EFNB2: variants seen among roughly 807,000 people sequenced by gnomAD.
EFNB2 encodes the protein ephrin-B2.
A neutral mutation model predicts 32.1 loss-of-function variants in EFNB2; 5 were observed. The ratio of observed to expected loss-of-function variants is 0.16; its 90% CI spans 0.08 to 0.33. EFNB2 has a LOEUF of 0.33. EFNB2 is among the 10% of genes least tolerant of loss of function. The pLI, the probability that EFNB2 is intolerant of heterozygous loss-of-function variation, is 1.00. For missense variants in EFNB2, 263 were observed against 422.6 expected (o/e 0.62, Z 3.31); for synonymous variants, 168 against 166.5 (o/e 1.01, Z -0.07).
At chr13:106,511,191 A>G (rs1879131455) in intron 2 of EFNB2, among the ~76,000 whole-genome samples, 1 of 152,136 alleles carries the variant, frequency 6.6e-6, no homozygotes, top group Admixed American at 6.5e-5. Flanking sequence ...TTTTATAATA[A>G]TTACTCCTTA....
chr13:106,519,431 G>A (rs533301993), intron 1 of EFNB2: 13 of 152,258 alleles, frequency 8.5e-5, no homozygotes, highest in African/African-American at 2.6e-4. Flanking sequence ...AAATGTGTGG[G>A]GGGGGAGGAG....
chr13:106,534,852 G>A lies in EFNB2; in HGVS notation c.113C>T (p.Ser38Leu), dbSNP rs1244472164. The change falls in exon 1 of 5, where the codon TCG (serine) becomes TTG (leucine). Residue 38 changes from serine (S) to leucine (L), a missense_variant. Physicochemically the swap from Ser to Leu is moderately radical, Grantham distance 145 (BLOSUM62 -2). Around this residue, in one of 3 missense-constraint regions of EFNB2, gnomAD observed 46 missense variants for 56.9 expected, o/e 0.81. Coordinates refer to ENST00000646441, the MANE Select transcript of EFNB2 (RefSeq NM_004093.4). ...CGCGGACGCCACTTACTTGGAGTTC[G>A]AGGAATTCCAATAGATAGGCTCTAA... is the stretch of plus-strand genomic sequence containing the variant. ...IVLEPIYWNS[S>L]NSKFLPGQGL... 3 of 1,611,918 alleles carry A rather than the reference G, an allele frequency of 1.9e-6. No homozygotes were observed. The highest frequency in any genetic ancestry group is 2.5e-6 in the Non-Finnish European group (3 of 1,179,060).
intron 1 of EFNB2, among the ~76,000 whole-genome samples, chr13:106,526,895 A>G (rs1423091439): frequency 6.6e-6 from 1 of 152,212 alleles, no homozygotes; most frequent in East Asian, 1.9e-4. Flanking sequence ...TGAAGGTCGG[A>G]AATTCTTTGC....
chr13:106,531,477 CTG>C (rs1879870377), intron 1 of EFNB2, among the ~76,000 whole-genome samples: 2 of 152,308 alleles, frequency 1.3e-5, no homozygotes, highest in African/African-American at 4.8e-5. Context: ...CAAACGCAAA[CTG>C]TGGAGCATAG....
At chr13:106,528,041 A>G (rs1879757218) in intron 1 of EFNB2, among the ~76,000 whole-genome samples, 1 of 152,218 alleles carries the variant, frequency 6.6e-6, no homozygotes, top group African/African-American at 2.4e-5. Flanking sequence ...CTTTAGTTGA[A>G]TGGGCCATTA....
chr13:106,509,627 C>CTGTGTGTG lies in EFNB2; in HGVS notation c.406+2894_406+2901dup, dbSNP rs34068695. Among the ~76,000 whole-genome samples the CTGTGTGTG allele has an allele frequency of 7.7e-3, 1,096 of 142,662 alleles. 8 individuals are homozygous for CTGTGTGTG. The highest frequency in any genetic ancestry group is 0.016 in the South Asian group (68 of 4,180). 93.6% of individuals were successfully genotyped at this position (142,662 alleles called of 152,430 possible). ...TCAAAAAAGCCAGTACAGAGCTTGACTGTGTGTGTGTGTGTGTGTGTGTGT... is the reference window on the plus strand; with the variant it reads ...TCAAAAAAGCCAGTACAGAGCTTGACTGTGTGTGTGTGTGTGTGTGTGTGTGTGTGTGT... On this transcript the variant is annotated intron_variant, in intron 2 of 4. Transcript: ENST00000646441.
At chr13:106,532,234 A>C (rs544166308) in intron 1 of EFNB2, among the ~76,000 whole-genome samples, 2 of 152,268 alleles carry the variant, frequency 1.3e-5, no homozygotes, top group East Asian at 3.9e-4. Flanking sequence ...CGACAATGTG[A>C]TTAAAGTAGT....
intron 2 of EFNB2, among the ~76,000 whole-genome samples, chr13:106,500,396 T>A (rs1043515332): frequency 6.6e-6 from 1 of 152,184 alleles, no homozygotes; most frequent in African/African-American, 2.4e-5. Flanking sequence ...ATCACAGTTC[T>A]TATGGAAAGA....
In EFNB2 at chr13:106,492,949, A is replaced by G. The variant is rs927359074; in HGVS notation, c.*91T>C. ...CTCCCCCGGTGCTGTGCTTCAGTCA[A>G]TTCTCCAGCACGCGGGCTCTCAAAC... On this transcript the variant is annotated 3_prime_UTR_variant, in exon 5 of 5. Transcript: ENST00000646441. This position sits in a 1 kb window ranked among gnomAD's most constrained non-coding sequence, Gnocchi z 5.1. 71 of 1,488,912 alleles carry G rather than the reference A, an allele frequency of 4.8e-5. No homozygotes were observed. The highest frequency in any genetic ancestry group is 4.2e-4 in the South Asian group (33 of 78,266). 92.2% of individuals were successfully genotyped at this position (1,488,912 alleles called of 1,614,324 possible).
At chr13:106,494,663 C>T (rs3818379) in intron 4 of EFNB2, among the ~76,000 whole-genome samples, 40,726 of 152,074 alleles carry the variant, frequency 0.27, 5,785 homozygotes, top group East Asian at 0.43. Context: ...AGCTCATGAA[C>T]TCTACTCCTT....
At chr13:106,526,865 T>C (rs1315585974) in intron 1 of EFNB2, among the ~76,000 whole-genome samples, 3 of 152,174 alleles carry the variant, frequency 2.0e-5, no homozygotes, top group South Asian at 2.1e-4. Flanking sequence ...AAGAGATCAA[T>C]TGAGAAACAC....
In EFNB2 at chr13:106,501,839, G is replaced by A. The variant is rs1320832888; in HGVS notation, c.407-5999C>T. ...GATCTCCTGACCTCGTGATCCGCCCGCCTCGGCCTCCCAAAGTGCTAGGAT... is the reference window on the plus strand; with the variant it reads ...GATCTCCTGACCTCGTGATCCGCCCACCTCGGCCTCCCAAAGTGCTAGGAT... On this transcript the variant is annotated intron_variant, in intron 2 of 4. Coordinates refer to ENST00000646441, the MANE Select transcript of EFNB2 (RefSeq NM_004093.4). Among the ~76,000 whole-genome samples, 9 of 152,214 alleles carry A rather than the reference G, an allele frequency of 5.9e-5. No homozygotes were observed. The East Asian group carries it at 1.2e-3, about 20-fold the overall frequency.
intron 2 of EFNB2, among the ~76,000 whole-genome samples, chr13:106,511,417 G>T (rs1403125006): frequency 6.6e-6 from 1 of 152,164 alleles, no homozygotes; most frequent in Non-Finnish European, 1.5e-5. Context: ...GGAGTTCAAG[G>T]CTACAGTGAG....
At chr13:106,497,577 C>T (rs1878633554) in intron 2 of EFNB2, among the ~76,000 whole-genome samples, 2 of 151,816 alleles carry the variant, frequency 1.3e-5, no homozygotes, top group South Asian at 4.2e-4. Flanking sequence ...TTCTAGGGTA[C>T]ATGTGCACAA....
chr13:106,522,043 T>C (rs1879538611), intron 1 of EFNB2, among the ~76,000 whole-genome samples: 1 of 151,070 alleles, frequency 6.6e-6, no homozygotes, highest in Admixed American at 6.6e-5. Flanking sequence ...AGGTCTTTAT[T>C]TACCAAAAAA....
intron 1 of EFNB2, among the ~76,000 whole-genome samples, chr13:106,523,019 T>C (rs1388577293): frequency 6.6e-6 from 1 of 152,194 alleles, no homozygotes; most frequent in Non-Finnish European, 1.5e-5. Flanking sequence ...TAACACAGTT[T>C]ACAAGGCTGT....
chr13:106,499,791 A>G (rs1878711340), intron 2 of EFNB2, among the ~76,000 whole-genome samples: 1 of 152,202 alleles, frequency 6.6e-6, no homozygotes, highest in Non-Finnish European at 1.5e-5. Context: ...CTTAATAAAG[A>G]TACATGGGCA....
At chr13:106,519,665 C>A (rs746126428) in intron 1 of EFNB2, 2 of 152,086 alleles carry the variant, frequency 1.3e-5, no homozygotes, top group African/African-American at 4.8e-5. Context: ...GCTGACTGCA[C>A]GGAGACAACC....
Position 106,518,948 on chromosome 13 carries a change from T to C in EFNB2, c.123-6136A>G, listed in dbSNP as rs551064729. ...TGCTGCTGTAGTCTCTGAAAATACA[T>C]GCGAAATGTGTGACAATATACCTGG... On this transcript the variant is annotated intron_variant, in intron 1 of 4. Transcript: ENST00000646441. This position sits in a 1 kb window ranked among gnomAD's most constrained non-coding sequence, Gnocchi z 4.1. 12 of 152,184 alleles carry C rather than the reference T, an allele frequency of 7.9e-5. No homozygotes were observed. The highest frequency in any genetic ancestry group is 1.9e-4 in the African/African-American group (8 of 41,528). The allele number at this position is 152,184 out of a possible 1,614,324, so 9.4% of individuals were successfully genotyped here. A position where few individuals can be genotyped will look rare whatever the true frequency, so the allele number is the denominator to read the frequency against.
Sources: gnomAD v4.1 joint callset for allele counts (sites outside exome capture counted in the v4.1 genomes callset) on GRCh38, gnomAD v4.1.1 for gene constraint, gnomAD v4.1.1 regional missense constraint, Gnocchi (gnomAD v3.1) non-coding constraint, MANE v1.5 for transcripts, NCBI Gene and HGNC (gene_info 2026-07-23, HGNC 2026-07-21) for gene names.